ANKRD30BL: variants seen among roughly 807,000 people sequenced by gnomAD.
ANKRD30BL encodes the protein ankyrin repeat domain 30B like, also known as putative ankyrin repeat domain-containing protein 30B-like.
ANKRD30BL carries 20 observed loss-of-function variants against 18.4 expected under a neutral mutation model. The ratio of observed to expected loss-of-function variants is 1.09; its 90% CI spans 0.77 to 1.58. The LOEUF is 1.58. Ranked by LOEUF, ANKRD30BL falls within the 40% of genes most tolerant of loss-of-function variation. ANKRD30BL has a pLI of 0.00. For missense variants in ANKRD30BL, 224 were observed against 268.6 expected, an observed-to-expected ratio of 0.83 and a Z score of 1.16; for synonymous variants, 72 against 100.9, an observed-to-expected ratio of 0.71 and a Z score of 1.72.
At chr2:132,167,984 A>T (rs905611918) in intron 1 of ANKRD30BL, among the ~76,000 whole-genome samples, 2 of 152,298 alleles carry the variant, frequency 1.3e-5, no homozygotes, top group African/African-American at 4.8e-5. Flanking sequence ...AAAACTTTTT[A>T]ACTTTAATTT....
chr2:132,229,447 A>G (rs1214144146), intron 1 of ANKRD30BL, among the ~76,000 whole-genome samples: 1 of 152,120 alleles, frequency 6.6e-6, no homozygotes, highest in Non-Finnish European at 1.5e-5. Flanking sequence ...AAAAGGTAAT[A>G]TCATCACATA....
chr2:132,187,189 T>G (rs1464399595), intron 1 of ANKRD30BL, among the ~76,000 whole-genome samples: 36 of 101,968 alleles, frequency 3.5e-4, no homozygotes, highest in South Asian at 8.8e-4. Context: ...TTTTTGTTTG[T>G]TTTTTTTTTT....
intron 1 of ANKRD30BL, among the ~76,000 whole-genome samples, chr2:132,198,769 C>G (rs1026295964): frequency 6.6e-6 from 1 of 152,070 alleles, no homozygotes; most frequent in African/African-American, 2.4e-5. Flanking sequence ...AGGCGCCCAC[C>G]ACCATGCACA....
intron 1 of ANKRD30BL, among the ~76,000 whole-genome samples, chr2:132,167,136 G>T (rs1359604521): frequency 6.6e-6 from 1 of 151,352 alleles, no homozygotes; most frequent in African/African-American, 2.4e-5. Flanking sequence ...GTCTGAGTGT[G>T]TACTTTGTAT....
intron 1 of ANKRD30BL, among the ~76,000 whole-genome samples, chr2:132,161,061 A>G (rs1455037850): frequency 7.2e-6 from 1 of 138,006 alleles, no homozygotes; most frequent in Non-Finnish European, 1.5e-5. Context: ...ATTTTTAGCC[A>G]AGAAGTTAAT....
chr2:132,161,917 T>G lies in ANKRD30BL; in HGVS notation c.-212A>C. ...CAGCTGAGCAGAACCGTTAGGCACCTGAGCAGAACCTTTAGGCAGCTGAGC... is the reference window on the plus strand; with the variant it reads ...CAGCTGAGCAGAACCGTTAGGCACCGGAGCAGAACCTTTAGGCAGCTGAGC... On this transcript the variant is annotated 5_prime_UTR_variant, in exon 1 of 6. Coordinates refer to ENST00000409867, the MANE Select transcript of ANKRD30BL (RefSeq NM_001358416.1). The G allele has an allele frequency of 1.8e-6, 1 of 560,172 alleles. No individual in the cohort carries two copies. Among genetic ancestry groups the G allele is most frequent in the South Asian group, 2.1e-5 (1 of 47,318 alleles). The allele number at this position is 560,172 out of a possible 1,614,324, so 34.7% of individuals were successfully genotyped here.
chr2:132,210,625 T>C (rs1324857436), intron 1 of ANKRD30BL, among the ~76,000 whole-genome samples: 1 of 151,682 alleles, frequency 6.6e-6, no homozygotes, highest in African/African-American at 2.4e-5. Context: ...TTTCTTTTGA[T>C]TGAGCAGATT....
At chr2:132,211,362 C>T (rs200555659) in intron 1 of ANKRD30BL, among the ~76,000 whole-genome samples, 5 of 151,066 alleles carry the variant, frequency 3.3e-5, no homozygotes, top group Admixed American at 6.6e-5. Context: ...TTATTTTGAG[C>T]GCTTTGAGTC....
At chr2:132,232,365 C>T (rs936258560) in intron 1 of ANKRD30BL, among the ~76,000 whole-genome samples, 9 of 152,248 alleles carry the variant, frequency 5.9e-5, no homozygotes, top group African/African-American at 2.2e-4. Flanking sequence ...GAGAAGAAGG[C>T]TTCAGACGAT....
chr2:132,168,748 G>C (rs1336688154), intron 1 of ANKRD30BL, among the ~76,000 whole-genome samples: 1 of 152,018 alleles, frequency 6.6e-6, no homozygotes, highest in Non-Finnish European at 1.5e-5. Flanking sequence ...GACACACACA[G>C]AGAAAGTGTA....
chr2:132,241,168 A>T (rs1397490751), intron 1 of ANKRD30BL, among the ~76,000 whole-genome samples: 1 of 151,798 alleles, frequency 6.6e-6, no homozygotes, highest in Admixed American at 6.6e-5. Context: ...TGAAAAAAGA[A>T]ATATCTTCCC....
chr2:132,242,568 C>G (rs552513345), intron 1 of ANKRD30BL, among the ~76,000 whole-genome samples: 44 of 151,848 alleles, frequency 2.9e-4, no homozygotes, highest in Admixed American at 7.9e-4. Flanking sequence ...CAGAAGAATT[C>G]TCAGAAATAT....
At chr2:132,226,694 T>A (rs1182494647) in intron 1 of ANKRD30BL, among the ~76,000 whole-genome samples, 1 of 151,922 alleles carries the variant, frequency 6.6e-6, no homozygotes. Context: ...AGGAAATATC[T>A]TCACATAAAA....
intron 1 of ANKRD30BL, among the ~76,000 whole-genome samples, chr2:132,221,682 G>C (rs1196096126): frequency 4.9e-5 from 6 of 121,636 alleles, no homozygotes; most frequent in Admixed American, 1.5e-4. Context: ...GCCCCGTCCG[G>C]GAGGGAGGTG....
chr2:132,254,262 T>C (rs72869428), intron 1 of ANKRD30BL, among the ~76,000 whole-genome samples: 1 of 151,150 alleles, frequency 6.6e-6, no homozygotes, highest in South Asian at 2.1e-4. Context: ...AGGGCACGAC[T>C]CCGCCCATGC....
Position 132,250,450 on chromosome 2 carries a change from A to G in ANKRD30BL, n.441+7079T>C, listed in dbSNP as rs1573895809. Among the ~76,000 whole-genome samples the G allele has an allele frequency of 2.0e-5, 3 of 152,238 alleles. No individual in the cohort carries two copies. In the East Asian group the frequency reaches 5.8e-4, roughly 29 times the overall value. On this transcript the variant is annotated intron_variant and non_coding_transcript_variant, in intron 1 of 4. Transcript: ENST00000470729. ...AGGACCAACATGAGCATTTAGAAAC[A>G]CTGCTTGTGGTGCAGCACACATGTG...
intron 1 of ANKRD30BL, among the ~76,000 whole-genome samples, chr2:132,192,786 C>T (rs936495395): frequency 3.9e-5 from 6 of 152,216 alleles, no homozygotes; most frequent in Admixed American, 6.5e-5. Flanking sequence ...AGTTGCATTG[C>T]ACCCCTATGC....
chr2:132,208,471 C>T (rs2104754339), intron 1 of ANKRD30BL, among the ~76,000 whole-genome samples: 1 of 152,250 alleles, frequency 6.6e-6, no homozygotes, highest in South Asian at 2.1e-4. Flanking sequence ...CAACCGGATG[C>T]TGTCCATGTA....
chr2:132,221,946 G>T (rs1460103418), intron 1 of ANKRD30BL, among the ~76,000 whole-genome samples: 1 of 127,140 alleles, frequency 7.9e-6, no homozygotes, highest in Admixed American at 7.2e-5. Flanking sequence ...CTGGCCAGCC[G>T]CCCCGTCCGG....
Sources: gnomAD v4.1 joint callset for allele counts (sites outside exome capture counted in the v4.1 genomes callset) on GRCh38, gnomAD v4.1.1 for gene constraint, MANE v1.5 for transcripts, NCBI Gene and HGNC (gene_info 2026-07-23, HGNC 2026-07-21) for gene names.